ANK2: variants seen among roughly 807,000 people sequenced by gnomAD.
The protein encoded by ANK2 is ankyrin 2.
A neutral mutation model predicts 360.5 loss-of-function variants in ANK2; 83 were observed. That is an observed-to-expected ratio of 0.23 (90% CI 0.19 to 0.28). The LOEUF (loss-of-function observed/expected upper bound fraction) is 0.28, where lower values mean the gene tolerates loss of function less well. Among genes scored for constraint, ANK2 ranks in the 10% least tolerant of loss-of-function variants. The pLI, the probability that ANK2 is intolerant of heterozygous loss-of-function variation, is 1.00. For synonymous variants in ANK2, 1,740 were observed against 1,759.5 expected (o/e 0.99, Z 0.28); for missense variants, 4,201 against 4,795.7 (o/e 0.88, Z 3.66).
At chr4:112,705,636 A>T in the ANK2 span, among the ~76,000 whole-genome samples, 1 of 152,214 alleles carries the variant, frequency 6.6e-6, no homozygotes. Context: ...GTGATGCGGG[A>T]GCGCCCGCGG....
Position 112,846,888 on chromosome 4 carries a change from T to A in ANK2, c.-40+28624T>A, listed in dbSNP as rs535100245. Among the ~76,000 whole-genome samples, 3 of 152,234 alleles carry A rather than the reference T, an allele frequency of 2.0e-5. No individual in the cohort carries two copies. The South Asian group carries it at 6.2e-4, about 32-fold the overall frequency. ...TAATGTGTTATCCTTATCTACAAAATCCGGAGTAGTTTAGCAGCACCATGT... is the reference window on the plus strand; with the variant it reads ...TAATGTGTTATCCTTATCTACAAAAACCGGAGTAGTTTAGCAGCACCATGT... On this transcript the variant is annotated intron_variant, in intron 1 of 30. Transcript: ENST00000503271.
At chr4:113,135,192 G>A (rs1320045178) in intron 1 of ANK2, among the ~76,000 whole-genome samples, 1 of 151,708 alleles carries the variant, frequency 6.6e-6, no homozygotes, top group Non-Finnish European at 1.5e-5. Flanking sequence ...TAAAAGGTTA[G>A]CATTTGCTTT....
intron 4 of ANK2, among the ~76,000 whole-genome samples, chr4:113,209,017 C>T (rs1013890906): frequency 1.3e-5 from 2 of 151,952 alleles, no homozygotes; most frequent in Non-Finnish European, 2.9e-5. Flanking sequence ...GGCTAAAAAT[C>T]AACTAACAGA....
At chr4:112,865,346 T>C (rs995893594) in intron 1 of ANK2, among the ~76,000 whole-genome samples, 34 of 152,188 alleles carry the variant, frequency 2.2e-4, no homozygotes, top group African/African-American at 7.2e-4. Context: ...TTACAGTGAA[T>C]TTTGGTTTAT....
intron 1 of ANK2, among the ~76,000 whole-genome samples, chr4:113,080,256 G>A (rs2081867111): frequency 6.6e-6 from 1 of 152,144 alleles, no homozygotes; most frequent in Non-Finnish European, 1.5e-5. Flanking sequence ...TAACCAGGCT[G>A]TGGCCCTCTG....
At chr4:113,004,998 C>A (rs532900053) in intron 2 of ANK2, among the ~76,000 whole-genome samples, 1 of 152,098 alleles carries the variant, frequency 6.6e-6, no homozygotes, top group Non-Finnish European at 1.5e-5. Flanking sequence ...TGCTTTTTAA[C>A]TAAGACATGA....
At chr4:112,877,554 G>T (rs768367517) in intron 1 of ANK2, among the ~76,000 whole-genome samples, 4 of 152,134 alleles carry the variant, frequency 2.6e-5, no homozygotes, top group Non-Finnish European at 5.9e-5. Flanking sequence ...CTTCTTTAAA[G>T]TATGAGCTAC....
At chr4:112,845,685 T>C (rs1380293685) in intron 1 of ANK2, among the ~76,000 whole-genome samples, 1 of 152,224 alleles carries the variant, frequency 6.6e-6, no homozygotes, top group African/African-American at 2.4e-5. Context: ...CCTTCCTTTG[T>C]GTCTGTGTGG....
chr4:113,332,801 C>G (rs895528143), intron 28 of ANK2, among the ~76,000 whole-genome samples: 1 of 152,192 alleles, frequency 6.6e-6, no homozygotes. Context: ...AGGAGAAGTT[C>G]CAGAATGTCA....
At chr4:113,198,581 C>T (rs1335048119) in intron 3 of ANK2, among the ~76,000 whole-genome samples, 5 of 152,206 alleles carry the variant, frequency 3.3e-5, no homozygotes, top group South Asian at 2.1e-4. Context: ...ATAAGCAGCT[C>T]GTTTCTCTAC....
chr4:113,134,978 C>T (rs1249974971), intron 1 of ANK2, among the ~76,000 whole-genome samples: 1 of 152,150 alleles, frequency 6.6e-6, no homozygotes, highest in Non-Finnish European at 1.5e-5. Context: ...TCAGGATGCA[C>T]AATTACTACA....
At chr4:113,159,703 G>C (rs2097443619) in intron 1 of ANK2, among the ~76,000 whole-genome samples, 1 of 151,716 alleles carries the variant, frequency 6.6e-6, no homozygotes, top group South Asian at 2.1e-4. Flanking sequence ...TTGCCTCCCG[G>C]GTTCAAGTGA....
At chr4:113,026,191 A>G (rs1471790083) in intron 2 of ANK2, among the ~76,000 whole-genome samples, 2 of 152,174 alleles carry the variant, frequency 1.3e-5, no homozygotes, top group African/African-American at 4.8e-5. Context: ...GACCGCTGCA[A>G]TTTAGTTCTA....
intron 1 of ANK2, among the ~76,000 whole-genome samples, chr4:112,843,289 T>G (rs1320706988): frequency 6.6e-6 from 1 of 152,202 alleles, no homozygotes; most frequent in Non-Finnish European, 1.5e-5. Flanking sequence ...TACTAGAAAT[T>G]TATATTAAAT....
intron 1 of ANK2, among the ~76,000 whole-genome samples, chr4:113,058,043 C>A (rs1218704873): frequency 6.6e-6 from 1 of 152,132 alleles, no homozygotes; most frequent in East Asian, 1.9e-4. Context: ...CTTTCCATTT[C>A]CTGGTCTGGC....
chr4:113,097,877 C>CATATATATATAT (rs1491243355), intron 1 of ANK2, among the ~76,000 whole-genome samples: 2 of 131,774 alleles, frequency 1.5e-5, no homozygotes, highest in South Asian at 2.3e-4. Flanking sequence ...TATATATATG[C>CATATATATATAT]ACACACACAC....
chr4:112,922,972 C>T (rs1281049345), intron 2 of ANK2, among the ~76,000 whole-genome samples: 3 of 152,020 alleles, frequency 2.0e-5, no homozygotes, highest in Non-Finnish European at 4.4e-5. Context: ...TTACATAATG[C>T]TAGGATTTTT....
chr4:113,047,560 G>A (rs893614905), upstream of ANK2, among the ~76,000 whole-genome samples: 8 of 152,158 alleles, frequency 5.3e-5, no homozygotes, highest in Admixed American at 3.9e-4. Flanking sequence ...ATGAGTGAGG[G>A]GTTGGGAGAG....
At position 113,356,002 on chromosome 4, in the gene ANK2, G is replaced by T. The variant is rs1435482127; in HGVS notation, c.7384G>T (p.Glu2462Ter). 6.2e-7 allele frequency: 1 copy of T among 1,614,008 alleles called. No homozygotes were observed. The highest frequency in any genetic ancestry group is 1.3e-5 in the African/African-American group (1 of 74,920). ...PDSLEPSPLK[E>*]SPCRDSLESS... is the part of the protein sequence containing the mutation. ...TTCTCTGGAGCCAAGTCCTCTGAAA[G>T]AATCCCCTTGCCGTGACTCTCTGGA... is the stretch of plus-strand genomic sequence containing the variant. Residue 2462 changes from glutamate (E) to a stop codon, truncating the protein, a stop_gained, in exon 38 of 46, where the codon GAA (glutamate) becomes TAA (stop). Coordinates refer to ENST00000357077, the MANE Select transcript of ANK2 (RefSeq NM_001148.6). LOFTEE classifies it high-confidence loss of function.
Sources: gnomAD v4.1 joint callset for allele counts (sites outside exome capture counted in the v4.1 genomes callset) on GRCh38, gnomAD v4.1.1 for gene constraint, MANE v1.5 for transcripts, NCBI Gene and HGNC (gene_info 2026-07-23, HGNC 2026-07-21) for gene names.